The following RIN3 variants were observed in gnomAD, a reference collection of about 807,000 sequenced individuals.
RIN3 encodes the protein Ras and Rab interactor 3, also known as RAB5 interacting protein 3.
RIN3 carries 54 observed loss-of-function variants against 76.3 expected under a neutral mutation model. That is an observed-to-expected ratio of 0.71 (90% CI 0.57 to 0.89). The LOEUF is 0.89. RIN3 is among the 40% of genes least tolerant of loss of function. The probability of loss-of-function intolerance (pLI) is 0.00; values close to 1 mark genes in which losing one functional copy is unlikely to be tolerated. For missense variants in RIN3, 1,256 were observed against 1,322.1 expected (o/e 0.95, Z 0.78); for synonymous variants, 576 against 564.0 (o/e 1.02, Z -0.30).
chr14:92,530,608 A>G (rs1896857993), intron 1 of RIN3, among the ~76,000 whole-genome samples: 1 of 151,412 alleles, frequency 6.6e-6, no homozygotes. Context: ...TCACTTGATC[A>G]AAGCTCTTAG....
chr14:92,688,057 C>A lies in RIN3; in HGVS notation c.2763C>A (p.His921Gln), dbSNP rs1425261182. 1 of 1,602,464 alleles carries A rather than the reference C, an allele frequency of 6.2e-7. No individual in the cohort carries two copies. Among genetic ancestry groups the A allele is most frequent in the East Asian group, 2.3e-5 (1 of 44,426 alleles). ...EKFAVERPQA[H>Q]RLFVLVDGRC... ...TCGCGGTGGAGCGGCCGCAGGCGCA[C>A]CGGCTGTTCGTGCTGGTGGACGGGC... The change falls in exon 10 of 10, where the codon CAC becomes CAA. Residue 921 changes from histidine (H) to glutamine (Q), a missense_variant. By Grantham distance (24) the His-to-Gln change is conservative. Transcript: ENST00000216487.
At position 92,643,756 on chromosome 14, in the gene RIN3, C is replaced by T. The variant is rs964533328; in HGVS notation, c.532+2427C>T. Among the ~76,000 whole-genome samples the T allele has an allele frequency of 2.0e-5, 3 of 152,008 alleles. No individual in the cohort carries two copies. The highest frequency in any genetic ancestry group is 1.9e-4 in the East Asian group (1 of 5,174). ...CAGCCTGGCCAATATGGTGAAATCT[C>T]GTCTCTACTAAAAATATAAAAATTA... On this transcript the variant is annotated intron_variant, in intron 5 of 9. Coordinates refer to ENST00000216487, the MANE Select transcript of RIN3 (RefSeq NM_024832.5). This position sits in a 1 kb window ranked among gnomAD's most constrained non-coding sequence, Gnocchi z 4.8.
chr14:92,664,481 C>T (rs1888009746), intron 7 of RIN3, among the ~76,000 whole-genome samples: 1 of 150,386 alleles, frequency 6.6e-6, no homozygotes, highest in Non-Finnish European at 1.5e-5. Context: ...CATTCTCCTG[C>T]CCCAGCCTCC....
chr14:92,613,177 C>A (rs1240379201), intron 3 of RIN3, among the ~76,000 whole-genome samples: 1 of 152,166 alleles, frequency 6.6e-6, no homozygotes, highest in Non-Finnish European at 1.5e-5. Context: ...ACAGATGGAA[C>A]CTCTGTCTCC....
Position 92,651,936 on chromosome 14 carries a change from A to AGGGGGCTGGGCTG in RIN3, c.888_889insGGGGCTGGGCTGG (p.Pro297GlyfsTer131). 2 of 1,162,200 alleles carry AGGGGGCTGGGCTG rather than the reference A, an allele frequency of 1.7e-6. No homozygotes were observed. The highest frequency in any genetic ancestry group is 2.2e-6 in the Non-Finnish European group (2 of 902,348). 72.0% of individuals were successfully genotyped at this position (1,162,200 alleles called of 1,614,324 possible). On this transcript the variant is annotated frameshift_variant, in exon 6 of 10. Coordinates refer to ENST00000216487, the MANE Select transcript of RIN3 (RefSeq NM_024832.5). LOFTEE classifies it high-confidence loss of function. ...CCCCTGCAGCCCTGCAGCCCAGCCC[A>AGGGGGCTGGGCTG]GCCCCCTGTGCTCCCTGCTCTTGCC...
rs1896392286 is a variant in RIN3, at chr14:92,514,730, G to C, written c.44+754G>C. Among the ~76,000 whole-genome samples the C allele has an allele frequency of 6.6e-6, 1 of 152,222 alleles. No individual in the cohort carries two copies. Among genetic ancestry groups the C allele is most frequent in the African/African-American group, 2.4e-5 (1 of 41,460 alleles). On this transcript the variant is annotated intron_variant, in intron 1 of 9. Transcript: ENST00000216487. This position sits in a 1 kb window ranked among gnomAD's most constrained non-coding sequence, Gnocchi z 7.2. Reference sequence around the variant, plus strand: ...TCCTTGTCGCCCCCAGCCCCACCTCGCGAGCTCGGGCATTGCTCGGGGCTG... The same window carrying C: ...TCCTTGTCGCCCCCAGCCCCACCTCCCGAGCTCGGGCATTGCTCGGGGCTG...
chr14:92,529,480 C>T (rs1896829242), intron 1 of RIN3, among the ~76,000 whole-genome samples: 3 of 152,110 alleles, frequency 2.0e-5, no homozygotes, highest in Non-Finnish European at 4.4e-5. Flanking sequence ...GAACTCCTGA[C>T]CTCGTGATCC....
At chr14:92,553,769 C>G (rs1897501797) in intron 1 of RIN3, among the ~76,000 whole-genome samples, 1 of 152,126 alleles carries the variant, frequency 6.6e-6, no homozygotes, top group Non-Finnish European at 1.5e-5. Context: ...ACACACCCCT[C>G]CTCATGACAG....
chr14:92,619,102 CATATT>C, intron 4 of RIN3, among the ~76,000 whole-genome samples: 1 of 152,236 alleles, frequency 6.6e-6, no homozygotes, highest in Admixed American at 6.5e-5. Context: ...TTTTGTAACA[CATATT>C]AGTATTATTC....
intron 1 of RIN3, among the ~76,000 whole-genome samples, chr14:92,521,140 A>C: frequency 6.6e-6 from 1 of 151,604 alleles, no homozygotes; most frequent in African/African-American, 2.4e-5. Flanking sequence ...TTATCCACCC[A>C]TCCATCCATA....
At chr14:92,563,293 A>G (rs58146715) in intron 2 of RIN3, among the ~76,000 whole-genome samples, 34,808 of 152,048 alleles carry the variant, frequency 0.23, 4,274 homozygotes, top group South Asian at 0.29. Context: ...CCCGGGAGGC[A>G]GAAGTTGCAG....
At chr14:92,562,832 T>G (rs1057248804) in intron 2 of RIN3, among the ~76,000 whole-genome samples, 12 of 152,202 alleles carry the variant, frequency 7.9e-5, no homozygotes, top group African/African-American at 2.4e-4. Context: ...AACCAAGATC[T>G]GGGGACCACA....
At position 92,569,886 on chromosome 14, in the gene RIN3, A is replaced by C. The variant is rs182933415; in HGVS notation, c.250-7474A>C. Reference sequence around the variant, plus strand: ...CCCGCGTAGACCTGCACCCTCCAACAAGAAGTCTACCCTTACTATAGGCAA... The same window carrying C: ...CCCGCGTAGACCTGCACCCTCCAACCAGAAGTCTACCCTTACTATAGGCAA... On this transcript the variant is annotated intron_variant, in intron 2 of 9. Coordinates refer to ENST00000216487, the MANE Select transcript of RIN3 (RefSeq NM_024832.5). Among the ~76,000 whole-genome samples the C allele has an allele frequency of 1.2e-4, 18 of 152,308 alleles. No individual in the cohort carries two copies. The East Asian group carries it at 3.3e-3, about 28-fold the overall frequency.
intron 4 of RIN3, among the ~76,000 whole-genome samples, chr14:92,636,248 G>C (rs886898319): frequency 3.3e-5 from 5 of 152,022 alleles, no homozygotes; most frequent in Non-Finnish European, 7.4e-5. Context: ...GAGAGGGAGG[G>C]AAAGAGAGAG....
In RIN3 at chr14:92,652,580, C is replaced by G. The variant is rs1403052182; in HGVS notation, c.1531C>G (p.Gln511Glu). The G allele has an allele frequency of 1.9e-6, 3 of 1,612,278 alleles. No individual in the cohort carries two copies. The highest frequency in any genetic ancestry group is 1.7e-5 in the Admixed American group (1 of 60,030). The change falls in exon 6 of 10, where the codon CAG (glutamine) becomes GAG (glutamate). Residue 511 changes from glutamine to glutamate, a missense_variant. Around this residue, in one of 3 missense-constraint regions of RIN3, gnomAD observed 428 missense variants for 521.2 expected, o/e 0.82. Coordinates refer to ENST00000216487, the MANE Select transcript of RIN3 (RefSeq NM_024832.5). This position sits in a 1 kb window ranked among gnomAD's most constrained non-coding sequence, Gnocchi z 6.4. ...GQSPASQAGT[Q>E]HPPAQATAHS... is the part of the protein sequence containing the mutation. ...AAGCCCTGCTTCTCAGGCTGGGACT[C>G]AGCACCCTCCTGCCCAGGCCACTGC...
At chr14:92,566,567 C>G (rs924436607) in intron 2 of RIN3, among the ~76,000 whole-genome samples, 1 of 152,122 alleles carries the variant, frequency 6.6e-6, no homozygotes, top group East Asian at 1.9e-4. Flanking sequence ...CACATTGCCG[C>G]CAGAGCCAGA....
intron 6 of RIN3, among the ~76,000 whole-genome samples, chr14:92,657,472 G>A (rs551385629): frequency 1.3e-5 from 2 of 152,314 alleles, no homozygotes; most frequent in Middle Eastern, 3.4e-3. Context: ...CAGTCCTGAC[G>A]TGAGGCTGCT....
intron 1 of RIN3, among the ~76,000 whole-genome samples, chr14:92,549,554 TCTA>T (rs1404453547): frequency 2.0e-5 from 3 of 152,226 alleles, no homozygotes; most frequent in African/African-American, 7.2e-5. Context: ...GCTTCCCTCT[TCTA>T]CTCCCCAGGC....
intron 7 of RIN3, among the ~76,000 whole-genome samples, chr14:92,666,191 C>T (rs1888094631): frequency 6.6e-6 from 1 of 152,220 alleles, no homozygotes; most frequent in African/African-American, 2.4e-5. Context: ...CCACCTGCCT[C>T]ATTGCTATGA....
Sources: gnomAD v4.1 joint callset for allele counts (sites outside exome capture counted in the v4.1 genomes callset) on GRCh38, gnomAD v4.1.1 for gene constraint, gnomAD v4.1.1 regional missense constraint, Gnocchi (gnomAD v3.1) non-coding constraint, MANE v1.5 for transcripts, NCBI Gene and HGNC (gene_info 2026-07-23, HGNC 2026-07-21) for gene names.